The following SPOCK1 variants were observed in gnomAD, a reference collection of about 807,000 sequenced individuals.
SPOCK1 encodes the protein testican-1.
SPOCK1 carries 23 observed loss-of-function variants against 55.3 expected under a neutral mutation model. The observed-to-expected ratio is 0.42, with a 90% CI of 0.30 to 0.59. The LOEUF is 0.59. Ranked by LOEUF, SPOCK1 falls within the 20% of genes least tolerant of loss-of-function variation. The probability of loss-of-function intolerance (pLI) is 0.22; values close to 1 mark genes in which losing one functional copy is unlikely to be tolerated. For synonymous variants in SPOCK1, 226 were observed against 221.0 expected, an observed-to-expected ratio of 1.02 and a Z score of -0.20; for missense variants, 499 against 552.5, an observed-to-expected ratio of 0.90 and a Z score of 0.97.
chr5:137,011,371 C>T lies in SPOCK1; in HGVS notation c.590-18771G>A, dbSNP rs540843623. The stretch of plus-strand genomic sequence containing the variant: ...ACAGGGTTAATTTTAGGTGGTATTA[C>T]GGCATCTCTAAGGACTCCCAGGAAT... On this transcript the variant is annotated intron_variant, in intron 6 of 10. Coordinates refer to ENST00000394945, the MANE Select transcript of SPOCK1 (RefSeq NM_004598.4). Among the ~76,000 whole-genome samples the T allele has an allele frequency of 1.3e-4, 20 of 152,228 alleles. No individual in the cohort carries two copies. The South Asian group carries it at 1.9e-3, about 14-fold the overall frequency.
At chr5:137,354,512 C>T (rs1400747099) in intron 2 of SPOCK1, among the ~76,000 whole-genome samples, 1 of 152,174 alleles carries the variant, frequency 6.6e-6, no homozygotes, top group Non-Finnish European at 1.5e-5. Flanking sequence ...TCTGCCACCC[C>T]CAACTGTGAG....
rs539980319 is a variant in SPOCK1 at position 137,381,183 on chromosome 5, C to T, written c.187-114128G>A. Among the ~76,000 whole-genome samples, 14 of 152,306 alleles carry T rather than the reference C, an allele frequency of 9.2e-5. No individual in the cohort carries two copies. In the South Asian group the frequency reaches 2.7e-3, roughly 29 times the overall value. On this transcript the variant is annotated intron_variant, in intron 2 of 10. Coordinates refer to ENST00000394945, the MANE Select transcript of SPOCK1 (RefSeq NM_004598.4). ...CTCCTTTTGACTCCATGTCTCACAT[C>T]CAGGCCACACTGATTCAAAGGGTGG...
chr5:137,361,790 T>C (rs1750951400), intron 2 of SPOCK1, among the ~76,000 whole-genome samples: 1 of 152,170 alleles, frequency 6.6e-6, no homozygotes, highest in African/African-American at 2.4e-5. Flanking sequence ...AAAAAACTTG[T>C]CCTCACATTT....
At chr5:137,439,079 T>C (rs139129145) in intron 2 of SPOCK1, among the ~76,000 whole-genome samples, 1,605 of 152,136 alleles carry the variant, frequency 0.011, 10 homozygotes, top group Middle Eastern at 0.058. Flanking sequence ...ATTTGTAAAA[T>C]CAAGATAATC....
Position 137,315,584 on chromosome 5 carries a change from G to A in SPOCK1, c.187-48529C>T, listed in dbSNP as rs368910158. ...CCAGGACATGCCACCAGAGCACATC[G>A]AGTGGCCTCCTGCTGCACTGATGGC... On this transcript the variant is annotated intron_variant, in intron 2 of 10. Transcript: ENST00000394945. 7.4e-4 allele frequency among the ~76,000 whole-genome samples: 112 copies of A among 152,276 alleles called. 2 individuals are homozygous for A. In the South Asian group the frequency reaches 0.02, roughly 27 times the overall value.
chr5:137,042,940 A>G (rs1047461791), intron 6 of SPOCK1, among the ~76,000 whole-genome samples: 1 of 152,158 alleles, frequency 6.6e-6, no homozygotes, highest in African/African-American at 2.4e-5. Context: ...GAACAACAAC[A>G]TTCCCGAAGT....
chr5:137,215,888 C>G (rs1755707811), intron 3 of SPOCK1, among the ~76,000 whole-genome samples: 1 of 152,166 alleles, frequency 6.6e-6, no homozygotes, highest in South Asian at 2.1e-4. Flanking sequence ...ACATAACTAC[C>G]TATTCTAGAG....
chr5:137,013,907 C>T (rs548600246), intron 6 of SPOCK1, among the ~76,000 whole-genome samples: 1 of 152,186 alleles, frequency 6.6e-6, no homozygotes, highest in South Asian at 2.1e-4. Context: ...CAGAGATCTG[C>T]AGGTAGTGGA....
At chr5:137,174,577 A>T (rs944411905) in intron 3 of SPOCK1, among the ~76,000 whole-genome samples, 1 of 152,236 alleles carries the variant, frequency 6.6e-6, no homozygotes, top group African/African-American at 2.4e-5. Context: ...GGGCTTGTCC[A>T]TCCTCTCATT....
intron 6 of SPOCK1, among the ~76,000 whole-genome samples, chr5:137,042,453 C>T (rs1230012355): frequency 6.6e-6 from 1 of 152,000 alleles, no homozygotes; most frequent in East Asian, 1.9e-4. Flanking sequence ...TTAATGTATG[C>T]AAATTTTTAA....
chr5:137,297,949 C>T (rs1757519397), intron 2 of SPOCK1, among the ~76,000 whole-genome samples: 1 of 152,094 alleles, frequency 6.6e-6, no homozygotes, highest in Non-Finnish European at 1.5e-5. Flanking sequence ...TGTGACCATA[C>T]AAACATGATT....
chr5:137,483,268 G>A (rs1021012104), intron 2 of SPOCK1, among the ~76,000 whole-genome samples: 1 of 152,188 alleles, frequency 6.6e-6, no homozygotes, highest in Non-Finnish European at 1.5e-5. Context: ...GGAAGGCGGA[G>A]GTTGCAGTGA....
At chr5:137,424,372 C>T (rs1268112955) in intron 2 of SPOCK1, among the ~76,000 whole-genome samples, 1 of 152,150 alleles carries the variant, frequency 6.6e-6, no homozygotes, top group East Asian at 1.9e-4. Flanking sequence ...CAGAGCAGGA[C>T]CTTATTTCTA....
intron 3 of SPOCK1, among the ~76,000 whole-genome samples, chr5:137,233,672 C>T (rs1756115661): frequency 7.2e-6 from 1 of 138,506 alleles, no homozygotes; most frequent in Admixed American, 7.3e-5. Context: ...ATGATATTAA[C>T]TTCAATTTTC....
chr5:137,234,914 A>G (rs1434224596), intron 3 of SPOCK1, among the ~76,000 whole-genome samples: 1 of 152,248 alleles, frequency 6.6e-6, no homozygotes, highest in African/African-American at 2.4e-5. Flanking sequence ...CAGAGAGATG[A>G]ACATCTTACA....
intron 2 of SPOCK1, among the ~76,000 whole-genome samples, chr5:137,450,421 T>C (rs942701878): frequency 6.6e-6 from 1 of 152,120 alleles, no homozygotes; most frequent in Non-Finnish European, 1.5e-5. Flanking sequence ...CACTTGAGCA[T>C]TCCAAAAATG....
At chr5:137,185,120 C>A (rs1329791563) in intron 3 of SPOCK1, among the ~76,000 whole-genome samples, 1 of 151,940 alleles carries the variant, frequency 6.6e-6, no homozygotes, top group East Asian at 1.9e-4. Context: ...GAAGTCAGGG[C>A]AGAGAGAGGA....
At chr5:137,354,626 T>A (rs1750751941) in intron 2 of SPOCK1, among the ~76,000 whole-genome samples, 1 of 152,184 alleles carries the variant, frequency 6.6e-6, no homozygotes. Context: ...ACAGACTGTC[T>A]AATCAATCCA....
At chr5:137,477,404 G>A (rs2974498) in intron 2 of SPOCK1, among the ~76,000 whole-genome samples, 49,177 of 151,900 alleles carry the variant, frequency 0.32, 8,666 homozygotes, top group South Asian at 0.47. Flanking sequence ...GTTGTAAGTG[G>A]GACTGGGAAG....
Sources: gnomAD v4.1 joint callset for allele counts (sites outside exome capture counted in the v4.1 genomes callset) on GRCh38, gnomAD v4.1.1 for gene constraint, MANE v1.5 for transcripts, NCBI Gene and HGNC (gene_info 2026-07-23, HGNC 2026-07-21) for gene names.